HS6ST2: variants seen among roughly 807,000 people sequenced by gnomAD.
HS6ST2 encodes heparan-sulfate 6-O-sulfotransferase 2.
Under a neutral mutation model 33.0 loss-of-function variants are expected in HS6ST2, and 17 were observed. The ratio of observed to expected loss-of-function variants is 0.52; its 90% CI spans 0.35 to 0.77. The LOEUF (loss-of-function observed/expected upper bound fraction) is 0.77. HS6ST2 is among the 30% of genes least tolerant of loss of function. The probability of loss-of-function intolerance (pLI) is 0.01; values close to 1 mark genes in which losing one functional copy is unlikely to be tolerated. For synonymous variants in HS6ST2, 248 were observed against 237.1 expected (o/e 1.05, Z -0.42); for missense variants, 519 against 551.7 (o/e 0.94, Z 0.59).
intron 2 of HS6ST2, among the ~76,000 whole-genome samples, chrX:132,816,063 C>T (rs1456699168): frequency 8.9e-6 from 1 of 111,809 alleles, no homozygotes; most frequent in Non-Finnish European, 1.9e-5. Context: ...TAGCATTACT[C>T]AACAAATGTT....
In HS6ST2 at chrX:132,932,134, C is replaced by T. The variant is rs780385881; in HGVS notation, c.947+24674G>A. Among the ~76,000 whole-genome samples, 8 of 104,045 alleles carry T rather than the reference C, an allele frequency of 7.7e-5. No individual in the cohort carries two copies. The South Asian group carries it at 3.8e-3, about 49-fold the overall frequency. The allele number at this position is 104,045 out of a possible 115,157, so 90.4% of individuals were successfully genotyped here. ...CCGGGAGGCGGAGCTTGCAGTGAAC[C>T]GAGATTGCGCCACTGCACTTCAGCC... On this transcript the variant is annotated intron_variant, in intron 2 of 4. Coordinates refer to ENST00000370833, the MANE Select transcript of HS6ST2 (RefSeq NM_001394073.1).
At chrX:132,683,174 T>C (rs2148220999) in intron 3 of HS6ST2, among the ~76,000 whole-genome samples, 1 of 111,306 alleles carries the variant, frequency 9.0e-6, no homozygotes, top group South Asian at 3.9e-4. Flanking sequence ...AAGGACTCTT[T>C]CTCTACTCAT....
intron 3 of HS6ST2, among the ~76,000 whole-genome samples, chrX:132,680,011 G>A (rs1189271427): frequency 9.4e-6 from 1 of 105,959 alleles, no homozygotes; most frequent in Non-Finnish European, 1.9e-5. Flanking sequence ...TACAATTTGT[G>A]CAGTTAACGC....
intron 2 of HS6ST2, among the ~76,000 whole-genome samples, chrX:132,786,687 T>C (rs1342915020): frequency 9.2e-6 from 1 of 108,999 alleles, no homozygotes; most frequent in Non-Finnish European, 1.9e-5. Flanking sequence ...CAAGGCCCTG[T>C]CTCAGCTCAC....
At chrX:132,839,348 C>T (rs1336669641) in intron 2 of HS6ST2, among the ~76,000 whole-genome samples, 2 of 91,188 alleles carry the variant, frequency 2.2e-5, no homozygotes, top group Non-Finnish European at 2.2e-5. Flanking sequence ...ACACACACAC[C>T]GTGGCATACT....
chrX:132,892,430 T>A (rs2066325509), intron 2 of HS6ST2, among the ~76,000 whole-genome samples: 1 of 111,956 alleles, frequency 8.9e-6, no homozygotes, highest in African/African-American at 3.3e-5. Context: ...CCAGGTGATA[T>A]GTATACAGTC....
At chrX:132,826,355 T>G (rs1187295504) in intron 2 of HS6ST2, among the ~76,000 whole-genome samples, 1 of 111,361 alleles carries the variant, frequency 9.0e-6, no homozygotes, top group Non-Finnish European at 1.9e-5. Flanking sequence ...CACATATAGC[T>G]CTTGAGCACT....
chrX:132,740,301 G>T (rs2064558558), intron 2 of HS6ST2, among the ~76,000 whole-genome samples: 1 of 112,250 alleles, frequency 8.9e-6, no homozygotes, highest in Non-Finnish European at 1.9e-5. Context: ...GTAATCTGTT[G>T]TGAATTGTCC....
intron 2 of HS6ST2, among the ~76,000 whole-genome samples, chrX:132,754,380 C>A (rs961304897): frequency 1.8e-5 from 2 of 109,432 alleles, no homozygotes; most frequent in African/African-American, 6.7e-5. Context: ...CAGGTTAATC[C>A]ATGGTAAGGA....
At chrX:132,881,354 C>G (rs1296892646) in intron 2 of HS6ST2, among the ~76,000 whole-genome samples, 15 of 111,322 alleles carry the variant, frequency 1.3e-4, no homozygotes, top group Non-Finnish European at 1.7e-4. Context: ...TTGTGGTTTT[C>G]ATTTGCATTT....
At chrX:132,672,354 C>G (rs909768855) in intron 3 of HS6ST2, among the ~76,000 whole-genome samples, 3 of 110,628 alleles carry the variant, frequency 2.7e-5, no homozygotes, top group African/African-American at 9.9e-5. Flanking sequence ...CTTACATAAC[C>G]GAAACAGATC....
At chrX:132,886,924 C>A (rs1189570833) in intron 2 of HS6ST2, among the ~76,000 whole-genome samples, 1 of 110,941 alleles carries the variant, frequency 9.0e-6, no homozygotes, top group Non-Finnish European at 1.9e-5. Context: ...CACTTGAGGT[C>A]AGGAGTTTGA....
chrX:132,637,808 ATTATTT>A (rs1411404115), intron 4 of HS6ST2, among the ~76,000 whole-genome samples: 568 of 44,756 alleles, frequency 0.013, 12 homozygotes, highest in African/African-American at 0.092. Context: ...AATATTATAT[ATTATTT>A]TATATATATA....
At chrX:132,753,732 T>C (rs777479923) in intron 2 of HS6ST2, among the ~76,000 whole-genome samples, 100 of 112,038 alleles carry the variant, frequency 8.9e-4, no homozygotes, top group African/African-American at 3.0e-3. Context: ...GTGCTACAAA[T>C]GTATTTTGCA....
At chrX:132,835,991 C>T (rs2065639855) in intron 2 of HS6ST2, among the ~76,000 whole-genome samples, 1 of 111,681 alleles carries the variant, frequency 9.0e-6, no homozygotes, top group African/African-American at 3.3e-5. Context: ...GGGGCAAGAG[C>T]TCTGAGCTGT....
At chrX:132,650,699 C>T (rs1390154976) in intron 4 of HS6ST2, among the ~76,000 whole-genome samples, 1 of 107,874 alleles carries the variant, frequency 9.3e-6, no homozygotes, top group Non-Finnish European at 1.9e-5. Context: ...TCAACCCACC[C>T]CTGCCCCAAT....
chrX:132,785,342 G>A (rs931549161), intron 2 of HS6ST2, among the ~76,000 whole-genome samples: 3 of 111,783 alleles, frequency 2.7e-5, no homozygotes, highest in Non-Finnish European at 5.6e-5. Context: ...CCTTGGAAGT[G>A]TTCAGAAGAC....
intron 2 of HS6ST2, among the ~76,000 whole-genome samples, chrX:132,931,461 T>C (rs1464160767): frequency 1.8e-5 from 2 of 111,979 alleles, no homozygotes; most frequent in Non-Finnish European, 3.8e-5. Flanking sequence ...CAGTCACCAC[T>C]GGTGTAGCTC....
chrX:132,874,116 A>T (rs1485212837), intron 2 of HS6ST2, among the ~76,000 whole-genome samples: 2 of 111,706 alleles, frequency 1.8e-5, no homozygotes, highest in Non-Finnish European at 3.8e-5. Flanking sequence ...CAGAGAGGGC[A>T]CTTCCAGAGC....
Sources: allele counts gnomAD v4.1 joint callset (sites outside exome capture counted in the v4.1 genomes callset), GRCh38; gene constraint gnomAD v4.1.1; transcripts MANE v1.5; gene names NCBI Gene and HGNC (gene_info 2026-07-23, HGNC 2026-07-21).